The following KIF15 variants were observed in gnomAD, a reference collection of about 807,000 sequenced individuals.
KIF15 encodes kinesin-like protein KIF15.
In KIF15, 140 loss-of-function variants were observed where a neutral mutation model predicts 190.6. That is an observed-to-expected ratio of 0.73 (90% CI 0.64 to 0.84). KIF15 has a LOEUF of 0.84. KIF15 is among the 40% of genes least tolerant of loss of function. KIF15 has a pLI of 0.00. For missense variants in KIF15, 1,372 were observed against 1,584.4 expected, an observed-to-expected ratio of 0.87 and a Z score of 2.28; for synonymous variants, 528 against 551.3, an observed-to-expected ratio of 0.96 and a Z score of 0.59.
chr3:44,826,398 A>G lies in KIF15; in HGVS notation c.2724A>G (p.Ala908=), dbSNP rs767652858. The change falls in exon 22 of 35, where the codon GCA becomes GCG. Residue 908 remains alanine, a synonymous_variant. Transcript: ENST00000326047. ...DLNNLMELLE[A]EKERNNKLSL... Reference sequence around the variant, plus strand: ...AGAATTTGATGGAGCTTCTTGAGGCAGAAAAAGAACGCAATAACAAATTAT... The same window carrying G: ...AGAATTTGATGGAGCTTCTTGAGGCGGAAAAAGAACGCAATAACAAATTAT... 3 of 1,613,396 alleles carry G rather than the reference A, an allele frequency of 1.9e-6. No individual in the cohort carries two copies. Among genetic ancestry groups the G allele is most frequent in the South Asian group, 1.1e-5 (1 of 90,852 alleles).
At chr3:44,837,627 T>C (rs1320427866) in intron 26 of KIF15, among the ~76,000 whole-genome samples, 2 of 152,054 alleles carry the variant, frequency 1.3e-5, no homozygotes, top group South Asian at 2.1e-4. Flanking sequence ...TATATATATA[T>C]ACATGCACAC....
At chr3:44,862,056 G>A in intron 6 of KIF15, 1 of 1,328,842 alleles carries the variant, frequency 7.5e-7, no homozygotes, top group Non-Finnish European at 9.7e-7. Flanking sequence ...TCAACTGTCT[G>A]TGCGCCGGCG....
chr3:44,819,883 T>C (rs1708186931), intron 20 of KIF15, among the ~76,000 whole-genome samples: 1 of 152,168 alleles, frequency 6.6e-6, no homozygotes, highest in Non-Finnish European at 1.5e-5. Flanking sequence ...GGAGTCTAAG[T>C]CTCTTTGTAG....
intron 11 of KIF15, 80 bp from the exon 12 acceptor site, chr3:44,801,366 CAATT>C (rs1039822188): frequency 7.3e-5 from 58 of 791,040 alleles, no homozygotes; most frequent in Middle Eastern, 2.4e-4. Flanking sequence ...TGAGAGCAAT[CAATT>C]AAAGGCTATC....
chr3:44,824,870 C>T (rs1174789353), intron 20 of KIF15, among the ~76,000 whole-genome samples: 1 of 152,198 alleles, frequency 6.6e-6, no homozygotes, highest in Non-Finnish European at 1.5e-5. Flanking sequence ...AGCTGTCCTC[C>T]CACCTCAGCT....
At chr3:44,788,460 TC>T (rs1575594381) in intron 7 of KIF15, among the ~76,000 whole-genome samples, 7 of 152,100 alleles carry the variant, frequency 4.6e-5, no homozygotes, top group Admixed American at 6.5e-5. Flanking sequence ...TTTTTCTTTT[TC>T]TTTTTTTTTT....
chr3:44,851,975 T>C, intron 33 of KIF15, 23 bp downstream of exon 33: 1 of 1,602,572 alleles, frequency 6.2e-7, no homozygotes, highest in Non-Finnish European at 8.5e-7. Context: ...GTTGGTGTTT[T>C]CATGATACTT....
Position 44,805,886 on chromosome 3 carries a change from A to G in KIF15, c.1871A>G (p.Gln624Arg). Residue 624 changes from glutamine (Q) to arginine (R), a missense_variant, in exon 16 of 35, where the codon CAA becomes CGA. By Grantham distance (43) the Gln-to-Arg change is conservative. Transcript: ENST00000326047. The stretch of plus-strand genomic sequence containing the variant: ...TTGGAATCAGAGCTTCAGTCTTTGC[A>G]AAAAGCGAACCTTAATCTTGAAAAC... ...LELESELQSL[Q>R]KANLNLENLL... 1 of 1,614,168 alleles carries G rather than the reference A, an allele frequency of 6.2e-7. No individual in the cohort carries two copies. Among genetic ancestry groups the G allele is most frequent in the Non-Finnish European group, 8.5e-7 (1 of 1,179,992 alleles).
intron 20 of KIF15, among the ~76,000 whole-genome samples, chr3:44,821,826 T>TG (rs1158305367): frequency 4.6e-5 from 7 of 152,228 alleles, no homozygotes; most frequent in African/African-American, 1.2e-4. Flanking sequence ...CACTCCAGCC[T>TG]GGGCAACATT....
chr3:44,829,673 A>G (rs1697945244), intron 24 of KIF15, among the ~76,000 whole-genome samples: 1 of 130,942 alleles, frequency 7.6e-6, no homozygotes, highest in Non-Finnish European at 1.5e-5. Flanking sequence ...TATATATAAT[A>G]TATGTATATA....
rs1203686863 is a variant in KIF15 at position 44,799,069 on chromosome 3, T to C, written c.1098+1113T>C. 5 of 346,098 alleles carry C rather than the reference T, an allele frequency of 1.4e-5. No individual in the cohort carries two copies. The East Asian group carries it at 3.0e-4, about 21-fold the overall frequency. The allele number at this position is 346,098 out of a possible 1,614,324, so 21.4% of individuals were successfully genotyped here. A position where few individuals can be genotyped will look rare whatever the true frequency, so the allele number is the denominator to read the frequency against. ...CTAGTAAGATGAGGAGGAAAAATCA[T>C]TAGAGCTTCCTGACCCTAAGTCTCT... On this transcript the variant is annotated intron_variant, in intron 10 of 34. Transcript: ENST00000326047.
Position 44,852,867 on chromosome 3 carries a change from G to A in KIF15, c.*132G>A. ...AATTATTAAATGTTTATAAGGTGGT[G>A]GTAACCACCTCAAGTTTCTGATGAA... On this transcript the variant is annotated 3_prime_UTR_variant, in exon 35 of 35. Transcript: ENST00000326047. 1 of 628,838 alleles carries A rather than the reference G, an allele frequency of 1.6e-6. No individual in the cohort carries two copies. The highest frequency in any genetic ancestry group is 2.4e-5 in the South Asian group (1 of 41,380). The allele number at this position is 628,838 out of a possible 1,614,324, so 39.0% of individuals were successfully genotyped here. A position where few individuals can be genotyped will look rare whatever the true frequency, so the allele number is the denominator to read the frequency against.
chr3:44,860,305 A>G (rs1264382690), intron 6 of KIF15, among the ~76,000 whole-genome samples: 3 of 151,970 alleles, frequency 2.0e-5, no homozygotes, highest in Non-Finnish European at 4.4e-5. Context: ...GTGCAGTGAG[A>G]CCTCTGAGCC....
rs568980014 is a variant in KIF15, at chr3:44,865,225, C to T, written c.*60-8104C>T. ...CCAGCTGGAAAGATCATGATGGTGG[C>T]CCAGCCTTGGGATGTCATGTGGGAC... On this transcript the variant is annotated intron_variant and NMD_transcript_variant, in intron 6 of 6. Transcript: ENST00000422209. The T allele has an allele frequency of 2.5e-6, 4 of 1,612,214 alleles. No individual in the cohort carries two copies. In the South Asian group the frequency reaches 3.3e-5, roughly 13 times the overall value.
intron 4 of KIF15, among the ~76,000 whole-genome samples, chr3:44,779,081 T>C (rs1559526973): frequency 6.6e-6 from 1 of 152,194 alleles, no homozygotes; most frequent in Non-Finnish European, 1.5e-5. Context: ...TTTATTTTAT[T>C]CTTTAGGTTA....
intron 1 of KIF15, among the ~76,000 whole-genome samples, chr3:44,766,538 C>T (rs1049536345): frequency 6.6e-6 from 1 of 152,166 alleles, no homozygotes; most frequent in Admixed American, 6.5e-5. Context: ...TAGCTGGAGA[C>T]ACAATGATAC....
chr3:44,799,995 T>C (rs970141140), intron 10 of KIF15, among the ~76,000 whole-genome samples: 1 of 152,058 alleles, frequency 6.6e-6, no homozygotes, highest in African/African-American at 2.4e-5. Context: ...GGGAAGGCTG[T>C]CGTTCTCAGG....
At chr3:44,858,471 C>A (rs975976432) in intron 6 of KIF15, among the ~76,000 whole-genome samples, 1 of 151,798 alleles carries the variant, frequency 6.6e-6, no homozygotes, top group Non-Finnish European at 1.5e-5. Flanking sequence ...GATAGTAATG[C>A]GCGTGTGATG....
chr3:44,826,232 C>A, intron 21 of KIF15, 43 bp downstream of exon 21: 1 of 1,561,148 alleles, frequency 6.4e-7, no homozygotes, highest in South Asian at 1.2e-5. Context: ...TGTGACTGTC[C>A]TTTTGAGTGT....
Sources: gnomAD v4.1 joint callset for allele counts (sites outside exome capture counted in the v4.1 genomes callset) on GRCh38, gnomAD v4.1.1 for gene constraint, MANE v1.5 for transcripts, NCBI Gene and HGNC (gene_info 2026-07-23, HGNC 2026-07-21) for gene names.